NPSR1: variants seen among roughly 807,000 people sequenced by gnomAD.
NPSR1 encodes neuropeptide S receptor 1, also known as neuropeptide S receptor.
Under a neutral mutation model 46.9 loss-of-function variants are expected in NPSR1, and 48 were observed. The observed-to-expected ratio is 1.02, with a 90% confidence interval of 0.81 to 1.30. The LOEUF (loss-of-function observed/expected upper bound fraction) is 1.30. Among genes scored for constraint, NPSR1 ranks in the 50% most tolerant of loss-of-function variants. NPSR1 has a pLI of 0.00. For synonymous variants in NPSR1, 176 were observed against 168.1 expected, an observed-to-expected ratio of 1.05 and a Z score of -0.36; for missense variants, 450 against 449.5, an observed-to-expected ratio of 1.00 and a Z score of -0.01.
Position 34,849,595 on chromosome 7 carries a change from G to T in NPSR1, c.1056G>T (p.Thr352=), listed in dbSNP as rs143448171. 1 of 1,614,076 alleles carries T rather than the reference G, an allele frequency of 6.2e-7. No homozygotes were observed. The highest frequency in any genetic ancestry group is 8.5e-7 in the Non-Finnish European group (1 of 1,179,996). Reference sequence around the variant, plus strand: ...AAAGATCACAGGATTCCAGAATGACGTTCCGGGAGAGAACTGAGAGGCATG... The same window carrying T: ...AAAGATCACAGGATTCCAGAATGACTTTCCGGGAGAGAACTGAGAGGCATG... The part of the protein sequence containing the change: ...REQRSQDSRM[T]FRERTERHEM... The change falls in exon 9 of 9, where the codon ACG becomes ACT. Residue 352 remains threonine (T), a synonymous_variant. Transcript: ENST00000360581.
intron 3 of NPSR1, among the ~76,000 whole-genome samples, chr7:34,784,461 G>A (rs1028487675): frequency 6.6e-6 from 1 of 151,808 alleles, no homozygotes; most frequent in South Asian, 2.1e-4. Flanking sequence ...TTTGTCTTTG[G>A]TTCTGTTTAT....
chr7:34,754,393 T>C (rs1167082969), intron 2 of NPSR1, among the ~76,000 whole-genome samples: 1 of 152,168 alleles, frequency 6.6e-6, no homozygotes, highest in Non-Finnish European at 1.5e-5. Context: ...TTAGTTTTTA[T>C]TATTTTTATT....
At chr7:34,857,456 C>G (rs1190686225) in intron 8 of NPSR1, among the ~76,000 whole-genome samples, 1 of 151,650 alleles carries the variant, frequency 6.6e-6, no homozygotes, top group Non-Finnish European at 1.5e-5. Context: ...GAAAGATGCC[C>G]ACATATAGGT....
chr7:34,759,405 G>C (rs938151318), intron 2 of NPSR1, among the ~76,000 whole-genome samples: 1 of 152,046 alleles, frequency 6.6e-6, no homozygotes, highest in African/African-American at 2.4e-5. Flanking sequence ...TATTCTGTGG[G>C]TTATAATTTG....
chr7:34,664,620 A>ATTTTTTT (rs201440598), intron 1 of NPSR1, among the ~76,000 whole-genome samples: 1 of 149,250 alleles, frequency 6.7e-6, no homozygotes, highest in African/African-American at 2.6e-5. Context: ...TTTTTTTAAA[A>ATTTTTTT]AAAAAAAATG....
intron 2 of NPSR1, among the ~76,000 whole-genome samples, chr7:34,736,880 G>A (rs1017095325): frequency 6.6e-6 from 1 of 151,898 alleles, no homozygotes; most frequent in Admixed American, 6.6e-5. Flanking sequence ...ATTCCCTTAC[G>A]GTTCATTGAA....
intron 8 of NPSR1, among the ~76,000 whole-genome samples, chr7:34,873,706 C>T (rs1007630317): frequency 1.3e-5 from 2 of 151,702 alleles, no homozygotes; most frequent in Non-Finnish European, 2.9e-5. Context: ...TACCAGGCCA[C>T]CACCTCCAAC....
At chr7:34,814,738 T>C (rs1789159303) in intron 4 of NPSR1, among the ~76,000 whole-genome samples, 1 of 152,246 alleles carries the variant, frequency 6.6e-6, no homozygotes, top group Non-Finnish European at 1.5e-5. Flanking sequence ...CAATATTTGC[T>C]GTTCACAGCC....
intron 3 of NPSR1, among the ~76,000 whole-genome samples, chr7:34,793,710 C>T (rs1788042910): frequency 1.3e-5 from 2 of 152,108 alleles, no homozygotes; most frequent in South Asian, 4.1e-4. Context: ...CCAGCAATCC[C>T]ACTAATGGGT....
At chr7:34,741,337 T>G (rs1784931586) in intron 2 of NPSR1, among the ~76,000 whole-genome samples, 1 of 152,212 alleles carries the variant, frequency 6.6e-6, no homozygotes, top group African/African-American at 2.4e-5. Context: ...ATGTTTTTTT[T>G]GAGAGTTTAT....
chr7:34,853,740 C>T (rs1250007367), downstream of NPSR1, among the ~76,000 whole-genome samples: 1 of 152,110 alleles, frequency 6.6e-6, no homozygotes, highest in African/African-American at 2.4e-5. Flanking sequence ...GAGGGCGGAT[C>T]ACCTGAGTTC....
intron 6 of NPSR1, among the ~76,000 whole-genome samples, chr7:34,835,631 A>G (rs1263441374): frequency 1.3e-5 from 2 of 152,130 alleles, no homozygotes; most frequent in Non-Finnish European, 2.9e-5. Context: ...TCGGGCACTG[A>G]TAACTTGTGT....
chr7:34,845,791 G>A (rs1790719969), intron 7 of NPSR1, among the ~76,000 whole-genome samples: 1 of 152,046 alleles, frequency 6.6e-6, no homozygotes, highest in Admixed American at 6.6e-5. Context: ...CCTACACACT[G>A]CTCAATTAAC....
chr7:34,769,322 C>T (rs1488536031), intron 2 of NPSR1, among the ~76,000 whole-genome samples: 1 of 152,106 alleles, frequency 6.6e-6, no homozygotes, highest in African/African-American at 2.4e-5. Flanking sequence ...GCATAGTTTC[C>T]TAATTAAATG....
intron 3 of NPSR1, among the ~76,000 whole-genome samples, chr7:34,784,118 G>C (rs570129985): frequency 6.6e-6 from 1 of 152,210 alleles, no homozygotes; most frequent in South Asian, 2.1e-4. Context: ...ATACAATCAT[G>C]TCATCTGCAA....
intron 2 of NPSR1, among the ~76,000 whole-genome samples, chr7:34,774,650 C>A (rs1165713810): frequency 1.3e-5 from 2 of 152,176 alleles, no homozygotes; most frequent in Non-Finnish European, 2.9e-5. Context: ...CATTCTGATT[C>A]TTTCGCTTGG....
At chr7:34,744,934 T>A (rs1032385006) in intron 2 of NPSR1, among the ~76,000 whole-genome samples, 1 of 152,226 alleles carries the variant, frequency 6.6e-6, no homozygotes, top group African/African-American at 2.4e-5. Context: ...CTTGTCATAA[T>A]TTTCTAAACA....
At chr7:34,792,705 A>ATATATT (rs1787977134) in intron 3 of NPSR1, among the ~76,000 whole-genome samples, 2 of 128,004 alleles carry the variant, frequency 1.6e-5, no homozygotes, top group African/African-American at 6.1e-5. Flanking sequence ...ATATACGTAT[A>ATATATT]TATATATATT....
rs1424624561 is a variant in NPSR1, at chr7:34,833,039, T to A, written c.681-1345T>A. Reference sequence around the variant, plus strand: ...AGTCCCTGAGCTTTCCTGGAGCACTTGGAGGGGTTCACTCAGCAAGAATGG... The same window carrying A: ...AGTCCCTGAGCTTTCCTGGAGCACTAGGAGGGGTTCACTCAGCAAGAATGG... On this transcript the variant is annotated intron_variant, in intron 5 of 8. Transcript: ENST00000360581. Among the ~76,000 whole-genome samples, 5 of 152,208 alleles carry A rather than the reference T, an allele frequency of 3.3e-5. No homozygotes were observed. In the East Asian group the frequency reaches 9.6e-4, roughly 29 times the overall value.
Sources: allele counts gnomAD v4.1 joint callset (sites outside exome capture counted in the v4.1 genomes callset), GRCh38; gene constraint gnomAD v4.1.1; transcripts MANE v1.5; gene names NCBI Gene and HGNC (gene_info 2026-07-23, HGNC 2026-07-21).